The following RFX4 variants were observed in gnomAD, a reference collection of about 807,000 sequenced individuals.
RFX4 encodes the protein transcription factor RFX4.
Under a neutral mutation model 95.0 loss-of-function variants are expected in RFX4, and 10 were observed. The observed-to-expected ratio is 0.11, with a 90% CI of 0.06 to 0.18. The LOEUF is 0.18. Ranked by LOEUF, RFX4 falls within the 10% of genes least tolerant of loss-of-function variation. The pLI is 1.00. For missense variants in RFX4, 640 were observed against 922.0 expected, an observed-to-expected ratio of 0.69 and a Z score of 3.96; for synonymous variants, 321 against 340.7, an observed-to-expected ratio of 0.94 and a Z score of 0.64.
intron 7 of RFX4, chr12:106,692,945 CA>C: frequency 4.8e-6 from 1 of 206,968 alleles, no homozygotes; most frequent in African/African-American, 2.3e-5. Flanking sequence ...TTAACACGGC[CA>C]AACCAGAGCT....
chr12:106,715,354 GTTTTAACAA>G (rs2042266793), intron 10 of RFX4, 37 bp from the exon 11 acceptor site: 2 of 1,595,380 alleles, frequency 1.3e-6, no homozygotes, highest in Non-Finnish European at 1.7e-6. Flanking sequence ...CAGTGAAAGG[GTTTTAACAA>G]CCCATGAGCT....
At chr12:106,696,582 T>A in intron 8 of RFX4, 136 bp downstream of exon 8, 1 of 794,042 alleles carries the variant, frequency 1.3e-6, no homozygotes, top group Non-Finnish European at 1.8e-6. Context: ...CTTTTAAATA[T>A]TAAAGTTTAT....
At chr12:106,696,145 AG>A in intron 7 of RFX4, 137 bp from the exon 8 acceptor site, 1 of 960,120 alleles carries the variant, frequency 1.0e-6, no homozygotes. Flanking sequence ...ACAACATGGC[AG>A]GCTGGGGGTG....
chr12:106,596,929 A>G (rs1415692296), intron 1 of RFX4, among the ~76,000 whole-genome samples: 2 of 152,196 alleles, frequency 1.3e-5, no homozygotes, highest in African/African-American at 4.8e-5. Context: ...CTCTTTCCTT[A>G]CTTTCTAGGA....
At chr12:106,736,723 A>G (rs2042715257) in intron 15 of RFX4, among the ~76,000 whole-genome samples, 1 of 152,184 alleles carries the variant, frequency 6.6e-6, no homozygotes, top group Admixed American at 6.5e-5. Flanking sequence ...TCCCAAGTCC[A>G]GTTGTTCTAA....
chr12:106,668,606 A>C (rs1417525616), intron 4 of RFX4, among the ~76,000 whole-genome samples: 2 of 152,214 alleles, frequency 1.3e-5, no homozygotes, highest in Non-Finnish European at 2.9e-5. Context: ...GGATTTATTT[A>C]CCTTGGACTA....
intron 8 of RFX4, among the ~76,000 whole-genome samples, chr12:106,697,037 A>C (rs570030307): frequency 1.3e-5 from 2 of 152,290 alleles, no homozygotes; most frequent in East Asian, 3.9e-4. Flanking sequence ...GAGTGAAGTC[A>C]GGAGATGGAT....
At chr12:106,711,403 A>G in intron 9 of RFX4, 50 bp from the exon 10 acceptor site, 3 of 1,543,340 alleles carry the variant, frequency 1.9e-6, no homozygotes, top group Non-Finnish European at 2.7e-6. Flanking sequence ...AATCCAAGTT[A>G]GAATCATAAA....
chr12:106,731,887 G>A (rs2042618903), intron 13 of RFX4, among the ~76,000 whole-genome samples: 1 of 152,160 alleles, frequency 6.6e-6, no homozygotes, highest in African/African-American at 2.4e-5. Flanking sequence ...TATAACTTCA[G>A]CAAGGAAAAG....
intron 13 of RFX4, among the ~76,000 whole-genome samples, chr12:106,729,617 A>G (rs1268168817): frequency 6.6e-6 from 1 of 152,226 alleles, no homozygotes; most frequent in East Asian, 1.9e-4. Flanking sequence ...TTCCTTTGTA[A>G]AAGGAAAGTA....
chr12:106,614,788 C>A (rs537354389), intron 2 of RFX4, among the ~76,000 whole-genome samples: 1 of 152,066 alleles, frequency 6.6e-6, no homozygotes, highest in Non-Finnish European at 1.5e-5. Flanking sequence ...GGATTACAGG[C>A]GTGAGCCACC....
At chr12:106,699,425 G>T (rs984807397) in intron 8 of RFX4, among the ~76,000 whole-genome samples, 1 of 152,120 alleles carries the variant, frequency 6.6e-6, no homozygotes, top group Non-Finnish European at 1.5e-5. Context: ...CAAGTTAATT[G>T]ATAGTATTGT....
At chr12:106,621,509 A>G (rs948082813) in intron 2 of RFX4, among the ~76,000 whole-genome samples, 4 of 152,120 alleles carry the variant, frequency 2.6e-5, no homozygotes, top group Admixed American at 6.5e-5. Flanking sequence ...CTTTACTTTG[A>G]CCCAGCTTGG....
At position 106,761,458 on chromosome 12, in the gene RFX4, T is replaced by C. The variant is rs1367530701; in HGVS notation, c.2197T>C (p.Trp733Arg). 3.7e-6 allele frequency: 6 copies of C among 1,602,198 alleles called. No individual in the cohort carries two copies. The highest frequency in any genetic ancestry group is 5.1e-6 in the Non-Finnish European group (6 of 1,173,634). Residue 733 changes from tryptophan (W) to arginine (R), a missense_variant, in exon 18 of 18, where the codon TGG becomes CGG. Physicochemically the swap from Trp to Arg is moderately radical, Grantham distance 101. Transcript: ENST00000392842. ...CATCAACGGAGAGGCCTCTACAGGATGGGCTAAATGACTGCTATCATAGGC... is the reference window on the plus strand; with the variant it reads ...CATCAACGGAGAGGCCTCTACAGGACGGGCTAAATGACTGCTATCATAGGC... ...AYINGEASTG[W>R]AK
intron 6 of RFX4, among the ~76,000 whole-genome samples, chr12:106,687,867 C>A (rs947735472): frequency 6.6e-6 from 1 of 152,138 alleles, no homozygotes; most frequent in Non-Finnish European, 1.5e-5. Context: ...GAGGAAAGAA[C>A]CTCTCCCCTC....
At chr12:106,601,152 C>T (rs2039697489) in intron 1 of RFX4, 3 of 1,464,844 alleles carry the variant, frequency 2.0e-6, no homozygotes, top group Non-Finnish European at 2.7e-6. Context: ...CATGGCAACC[C>T]ACTGACCTGA....
chr12:106,719,095 C>G (rs1056938167), intron 11 of RFX4, among the ~76,000 whole-genome samples: 2 of 151,994 alleles, frequency 1.3e-5, no homozygotes, highest in Non-Finnish European at 2.9e-5. Flanking sequence ...GCACTCCAGC[C>G]TGGGCAACAA....
At chr12:106,590,193 CTGGAAGCTTAA>C (rs2039517780) in intron 1 of RFX4, among the ~76,000 whole-genome samples, 1 of 152,230 alleles carries the variant, frequency 6.6e-6, no homozygotes, top group African/African-American at 2.4e-5. Flanking sequence ...AGCATTTGGT[CTGGAAGCTTAA>C]TGTTGCTGAG....
chr12:106,716,056 T>C (rs1410627323), intron 11 of RFX4, among the ~76,000 whole-genome samples: 2 of 152,176 alleles, frequency 1.3e-5, no homozygotes, highest in Non-Finnish European at 2.9e-5. Flanking sequence ...GCTTCCAACA[T>C]GCAGACTGCA....
Sources: allele counts gnomAD v4.1 joint callset (sites outside exome capture counted in the v4.1 genomes callset), GRCh38; gene constraint gnomAD v4.1.1; transcripts MANE v1.5; gene names NCBI Gene and HGNC (gene_info 2026-07-23, HGNC 2026-07-21).